ARHGAP25: variants seen among roughly 807,000 people sequenced by gnomAD.
ARHGAP25 encodes the protein rho GTPase-activating protein 25.
ARHGAP25 carries 34 observed loss-of-function variants against 71.0 expected under a neutral mutation model. The observed-to-expected ratio is 0.48, with a 90% CI of 0.36 to 0.64. The LOEUF (loss-of-function observed/expected upper bound fraction) is 0.64. ARHGAP25 is among the 30% of genes least tolerant of loss of function. ARHGAP25 has a pLI of 0.00. For synonymous variants in ARHGAP25, 282 were observed against 296.5 expected (o/e 0.95, Z 0.50); for missense variants, 706 against 805.1 (o/e 0.88, Z 1.49).
intron 1 of ARHGAP25, among the ~76,000 whole-genome samples, chr2:68,756,249 C>T (rs1277290246): frequency 1.3e-5 from 2 of 152,250 alleles, no homozygotes; most frequent in Non-Finnish European, 2.9e-5. Flanking sequence ...AGCTTGTGCT[C>T]AACGTGCAGG....
intron 2 of ARHGAP25, among the ~76,000 whole-genome samples, chr2:68,715,799 A>G (rs7566932): frequency 0.6 from 90,531 of 151,906 alleles, 28,490 homozygotes; most frequent in East Asian, 0.81. Context: ...GAGGCACCCG[A>G]ACACAGTTCC....
At chr2:68,820,726 C>T (rs1358421941) in intron 9 of ARHGAP25, among the ~76,000 whole-genome samples, 2 of 152,090 alleles carry the variant, frequency 1.3e-5, no homozygotes, top group Non-Finnish European at 2.9e-5. Context: ...TGCTCCCTCC[C>T]GTATCCCCAC....
intron 2 of ARHGAP25, among the ~76,000 whole-genome samples, chr2:68,723,891 G>T (rs753179629): frequency 1.3e-5 from 2 of 151,894 alleles, no homozygotes; most frequent in Non-Finnish European, 2.9e-5. Flanking sequence ...TTTCTCTCTC[G>T]GTGGGGCAGG....
chr2:68,787,787 C>T, intron 3 of ARHGAP25, 53 bp from the exon 4 acceptor site: 8 of 1,452,440 alleles, frequency 5.5e-6, no homozygotes, highest in Non-Finnish European at 6.8e-6. Flanking sequence ...CTTCCCCTTG[C>T]TCTCATGTTC....
chr2:68,780,563 T>G (rs1678253244), intron 2 of ARHGAP25, among the ~76,000 whole-genome samples: 1 of 149,868 alleles, frequency 6.7e-6, no homozygotes, highest in African/African-American at 2.4e-5. Context: ...GAATTCCACT[T>G]TCTAGACCGA....
intron 2 of ARHGAP25, among the ~76,000 whole-genome samples, chr2:68,781,886 G>C (rs988219731): frequency 1.3e-5 from 2 of 152,160 alleles, no homozygotes; most frequent in Non-Finnish European, 1.5e-5. Flanking sequence ...GGTCTCCACA[G>C]CCTCAGCATT....
At chr2:68,814,446 T>G (rs1681057978) in intron 6 of ARHGAP25, among the ~76,000 whole-genome samples, 2 of 152,220 alleles carry the variant, frequency 1.3e-5, no homozygotes, top group African/African-American at 2.4e-5. Flanking sequence ...TAGTTACATG[T>G]GGCAAGTAAC....
At chr2:68,820,039 G>C (rs539999223) in intron 9 of ARHGAP25, among the ~76,000 whole-genome samples, 13 of 152,318 alleles carry the variant, frequency 8.5e-5, no homozygotes, top group African/African-American at 1.2e-4. Flanking sequence ...GTTACCTACA[G>C]TACTGTTAGC....
At chr2:68,774,928 T>C (rs1009222719) in intron 1 of ARHGAP25, 5 of 1,403,218 alleles carry the variant, frequency 3.6e-6, no homozygotes, top group Non-Finnish European at 4.6e-6. Context: ...CCAGCCAACC[T>C]TTCGGTTTGC....
chr2:68,815,423 G>A (rs888288138), intron 6 of ARHGAP25, among the ~76,000 whole-genome samples: 19 of 4,578 alleles, frequency 4.2e-3, no homozygotes, highest in African/African-American at 7.0e-3. Context: ...CTGCACACCG[G>A]CATGTGAATT....
At chr2:68,754,237 A>G (rs891549689) in intron 1 of ARHGAP25, among the ~76,000 whole-genome samples, 34 of 152,138 alleles carry the variant, frequency 2.2e-4, no homozygotes, top group African/African-American at 5.3e-4. Context: ...TTCTCCTCTC[A>G]TCTATTTCTA....
chr2:68,820,373 C>T (rs1219683790), intron 9 of ARHGAP25, among the ~76,000 whole-genome samples: 2 of 152,166 alleles, frequency 1.3e-5, no homozygotes, highest in African/African-American at 4.8e-5. Context: ...GGAGCAGAAA[C>T]TCAGAGAGGT....
At chr2:68,734,265 A>T (rs1454938972), upstream of ARHGAP25, among the ~76,000 whole-genome samples, 1 of 152,216 alleles carries the variant, frequency 6.6e-6, no homozygotes, top group Admixed American at 6.5e-5. Context: ...AGAGCTAGCA[A>T]ATGGAAGCCC....
intron 1 of ARHGAP25, among the ~76,000 whole-genome samples, chr2:68,744,367 C>T (rs527607566): frequency 6.6e-6 from 1 of 152,178 alleles, no homozygotes; most frequent in Non-Finnish European, 1.5e-5. Flanking sequence ...CTCCCTTCTG[C>T]GAGATTGTAC....
chr2:68,738,126 G>C (rs1675313341), intron 1 of ARHGAP25, among the ~76,000 whole-genome samples: 1 of 152,218 alleles, frequency 6.6e-6, no homozygotes. Context: ...GGAGCCAAGA[G>C]CACACACTTC....
intron 4 of ARHGAP25, among the ~76,000 whole-genome samples, chr2:68,802,575 T>G (rs4854457): frequency 6.6e-6 from 1 of 151,692 alleles, no homozygotes; most frequent in Non-Finnish European, 1.5e-5. Context: ...TGGCACTTGA[T>G]GATGGAATGA....
rs183660264 is a variant in ARHGAP25, at chr2:68,793,362, A to G, written c.466+5406A>G. 6.6e-5 allele frequency among the ~76,000 whole-genome samples: 10 copies of G among 152,294 alleles called. No individual in the cohort carries two copies. The East Asian group carries it at 1.3e-3, about 21-fold the overall frequency. On this transcript the variant is annotated intron_variant, in intron 4 of 10. Coordinates refer to ENST00000409202, the MANE Select transcript of ARHGAP25 (RefSeq NM_001007231.3). ...TTCTTTGCCTAGACCAATGTCCAGA[A>G]GAGTTTTCCCTTGATTTTATTCTAG... is the stretch of plus-strand genomic sequence containing the variant.
intron 9 of ARHGAP25, chr2:68,819,685 C>T (rs1235137031): frequency 3.2e-5 from 17 of 537,896 alleles, no homozygotes; most frequent in South Asian, 8.7e-5. Context: ...TCTGGGTGAA[C>T]GTCCAGAGAA....
intron 1 of ARHGAP25, among the ~76,000 whole-genome samples, chr2:68,752,525 A>C (rs1218514880): frequency 6.6e-6 from 1 of 152,156 alleles, no homozygotes; most frequent in African/African-American, 2.4e-5. Flanking sequence ...CTCCTGACCC[A>C]GTCTCCAAGG....
Sources: gnomAD v4.1 joint callset for allele counts (sites outside exome capture counted in the v4.1 genomes callset) on GRCh38, gnomAD v4.1.1 for gene constraint, MANE v1.5 for transcripts, NCBI Gene and HGNC (gene_info 2026-07-23, HGNC 2026-07-21) for gene names.